PRKCE: variants seen among roughly 807,000 people sequenced by gnomAD.
PRKCE encodes protein kinase C epsilon, also known as protein kinase C epsilon type.
In PRKCE, 16 loss-of-function variants were observed where a neutral mutation model predicts 85.4. The observed-to-expected ratio is 0.19, with a 90% confidence interval of 0.13 to 0.28. The LOEUF is 0.28. PRKCE is among the 10% of genes least tolerant of loss of function. The pLI is 1.00. For missense variants in PRKCE, 573 were observed against 975.2 expected, an observed-to-expected ratio of 0.59 and a Z score of 5.49; for synonymous variants, 388 against 371.5, an observed-to-expected ratio of 1.04 and a Z score of -0.51.
At chr2:46,070,453 C>T (rs1242397341) in intron 10 of PRKCE, among the ~76,000 whole-genome samples, 1 of 152,132 alleles carries the variant, frequency 6.6e-6, no homozygotes, top group Non-Finnish European at 1.5e-5. Flanking sequence ...ACCATCCTGG[C>T]CAACATGGTG....
At chr2:45,856,953 C>T (rs1186821581) in intron 2 of PRKCE, among the ~76,000 whole-genome samples, 1 of 152,210 alleles carries the variant, frequency 6.6e-6, no homozygotes, top group African/African-American at 2.4e-5. Context: ...CATTCATCAT[C>T]AGATGGGAAT....
intron 1 of PRKCE, among the ~76,000 whole-genome samples, chr2:45,832,499 G>A (rs376179431): frequency 2.0e-4 from 31 of 152,204 alleles, no homozygotes; most frequent in African/African-American, 6.7e-4. Context: ...TTTTAGTAGA[G>A]ATGGGGTTTC....
intron 2 of PRKCE, among the ~76,000 whole-genome samples, chr2:45,912,105 T>C (rs1467410697): frequency 6.6e-6 from 1 of 152,132 alleles, no homozygotes; most frequent in Non-Finnish European, 1.5e-5. Context: ...GTAGCAGTCA[T>C]AGCTACGCCC....
intron 1 of PRKCE, among the ~76,000 whole-genome samples, chr2:45,812,332 C>T (rs1315448654): frequency 6.6e-6 from 1 of 152,218 alleles, no homozygotes; most frequent in Non-Finnish European, 1.5e-5. Context: ...CTATCCTAGG[C>T]AGCAGAAAGG....
intron 10 of PRKCE, among the ~76,000 whole-genome samples, chr2:46,074,429 C>CAAAAAAAA (rs11287357): frequency 8.2e-4 from 77 of 93,710 alleles, no homozygotes; most frequent in Non-Finnish European, 1.0e-3. Flanking sequence ...CAACAACAAC[C>CAAAAAAAA]AAAAAAAAAA....
intron 10 of PRKCE, chr2:46,073,569 G>A (rs557822292): frequency 6.6e-6 from 1 of 152,178 alleles, no homozygotes; most frequent in African/African-American, 2.4e-5. Flanking sequence ...GTTCAGTGTA[G>A]TGCACAGTGT....
At chr2:46,158,017 T>C (rs147948462) in intron 13 of PRKCE, among the ~76,000 whole-genome samples, 193 of 152,354 alleles carry the variant, frequency 1.3e-3, no homozygotes, top group African/African-American at 4.3e-3. Context: ...CCCTCAGTGC[T>C]ATGCCCTGAG....
chr2:46,162,582 T>C (rs1677886471), intron 14 of PRKCE, among the ~76,000 whole-genome samples: 1 of 152,106 alleles, frequency 6.6e-6, no homozygotes, highest in African/African-American at 2.4e-5. Context: ...ATTAGGTAGG[T>C]TTGAATTCAG....
intron 1 of PRKCE, among the ~76,000 whole-genome samples, chr2:45,740,549 T>A (rs1247941663): frequency 6.6e-6 from 1 of 152,126 alleles, no homozygotes; most frequent in African/African-American, 2.4e-5. Context: ...CCCTTCCCCC[T>A]GCCCATTGCA....
chr2:45,761,813 G>A (rs1318261082), intron 1 of PRKCE, among the ~76,000 whole-genome samples: 2 of 152,136 alleles, frequency 1.3e-5, no homozygotes, highest in African/African-American at 4.8e-5. Context: ...TGATCCCTGA[G>A]CCACCCCGCT....
At chr2:46,010,774 C>T in intron 10 of PRKCE, 2 of 1,596,386 alleles carry the variant, frequency 1.3e-6, no homozygotes, top group Admixed American at 1.7e-5. Context: ...AGCCAAATGG[C>T]TAAACTCACT....
chr2:45,963,187 A>G (rs552299405), intron 2 of PRKCE, among the ~76,000 whole-genome samples: 2 of 152,300 alleles, frequency 1.3e-5, no homozygotes, highest in Admixed American at 1.3e-4. Context: ...TAGGAACCAA[A>G]AAACCAGGGA....
chr2:45,724,800 C>T (rs1473724558), intron 1 of PRKCE, among the ~76,000 whole-genome samples: 1 of 152,172 alleles, frequency 6.6e-6, no homozygotes, highest in African/African-American at 2.4e-5. Context: ...TGAAGGTTGA[C>T]AGGTAAGGAA....
rs1282064502 is a variant in PRKCE at position 46,001,165 on chromosome 2, A to T, written c.824-239A>T. Among the ~76,000 whole-genome samples the T allele has an allele frequency of 2.0e-5, 3 of 152,070 alleles. No individual in the cohort carries two copies. Among genetic ancestry groups the T allele is most frequent in the African/African-American group, 7.2e-5 (3 of 41,386 alleles). On this transcript the variant is annotated intron_variant, in intron 6 of 14. Coordinates refer to ENST00000306156, the MANE Select transcript of PRKCE (RefSeq NM_005400.3). This position sits in a 1 kb window ranked among gnomAD's most constrained non-coding sequence, Gnocchi z 4.4. ...TTATCTATATTTAGGGTATACGTAG[A>T]AAGGATGGCTGGAATGAAGTACTAG...
At chr2:45,986,052 G>A (rs1421306914) in intron 6 of PRKCE, among the ~76,000 whole-genome samples, 1 of 152,260 alleles carries the variant, frequency 6.6e-6, no homozygotes, top group Non-Finnish European at 1.5e-5. Flanking sequence ...GGGTGGGCCT[G>A]CCAAGGCAAT....
intron 10 of PRKCE, among the ~76,000 whole-genome samples, chr2:46,027,362 A>G (rs1341009626): frequency 2.6e-5 from 4 of 151,970 alleles, no homozygotes; most frequent in Non-Finnish European, 4.4e-5. Flanking sequence ...GAAAAGAAAA[A>G]CAAGATCATG....
intron 2 of PRKCE, among the ~76,000 whole-genome samples, chr2:45,843,720 T>C (rs61763787): frequency 2.2e-3 from 329 of 152,254 alleles, no homozygotes; most frequent in African/African-American, 7.8e-3. Context: ...GCCTAGAAAA[T>C]AAAACCTTAT....
At chr2:45,668,106 C>G (rs985937358) in intron 1 of PRKCE, among the ~76,000 whole-genome samples, 1 of 152,092 alleles carries the variant, frequency 6.6e-6, no homozygotes, top group Non-Finnish European at 1.5e-5. Flanking sequence ...TTTGAGAGGC[C>G]GAGGCGGTTG....
chr2:46,026,401 G>C (rs189803845), intron 10 of PRKCE, among the ~76,000 whole-genome samples: 1 of 152,188 alleles, frequency 6.6e-6, no homozygotes, highest in African/African-American at 2.4e-5. Flanking sequence ...AGAAAGAAGC[G>C]TAGAAGACTA....
Sources: gnomAD v4.1 joint callset for allele counts (sites outside exome capture counted in the v4.1 genomes callset) on GRCh38, gnomAD v4.1.1 for gene constraint, Gnocchi (gnomAD v3.1) non-coding constraint, MANE v1.5 for transcripts, NCBI Gene and HGNC (gene_info 2026-07-23, HGNC 2026-07-21) for gene names.